GFRAL: variants seen among roughly 807,000 people sequenced by gnomAD.
GFRAL encodes the protein GDNF family receptor alpha-like.
In GFRAL, 36 loss-of-function variants were observed where a neutral mutation model predicts 45.4. That is an observed-to-expected ratio of 0.79 (90% CI 0.61 to 1.05). The LOEUF (loss-of-function observed/expected upper bound fraction) is 1.05, where lower values mean the gene tolerates loss of function less well. GFRAL is among the 50% of genes least tolerant of loss of function. GFRAL has a pLI of 0.00. For synonymous variants in GFRAL, 166 were observed against 154.1 expected, an observed-to-expected ratio of 1.08 and a Z score of -0.57; for missense variants, 507 against 467.5, an observed-to-expected ratio of 1.08 and a Z score of -0.78.
intron 1 of GFRAL, among the ~76,000 whole-genome samples, chr6:55,329,986 G>C (rs957288373): frequency 6.6e-6 from 1 of 152,096 alleles, no homozygotes; most frequent in African/African-American, 2.4e-5. Context: ...CTCTCTTGAT[G>C]ACAGTTACTA....
Position 55,351,262 on chromosome 6 carries a change from G to T in GFRAL, c.380G>T (p.Gly127Val). The change falls in exon 5 of 9, where the codon GGG becomes GTG. Residue 127 changes from glycine to valine, a missense_variant. Gly to Val is a moderately radical substitution (Grantham distance 109). Coordinates refer to ENST00000340465, the MANE Select transcript of GFRAL (RefSeq NM_207410.2). ...ATATCATTGCTTTCAGGATTCAAAG[G>T]GATGTGGTCCTGTTTGGAAGTGGCA... is the stretch of plus-strand genomic sequence containing the variant. The part of the protein sequence containing the change: ...LTTRSHHGFK[G>V]MWSCLEVAEA... 1 of 1,584,932 alleles carries T rather than the reference G, an allele frequency of 6.3e-7. No homozygotes were observed. The highest frequency in any genetic ancestry group is 1.1e-5 in the South Asian group (1 of 87,588).
At chr6:55,384,138 T>C (rs2127363877) in intron 6 of GFRAL, among the ~76,000 whole-genome samples, 1 of 151,786 alleles carries the variant, frequency 6.6e-6, no homozygotes, top group East Asian at 1.9e-4. Context: ...TGGGAGCTAG[T>C]GGAGGGATAG....
intron 5 of GFRAL, among the ~76,000 whole-genome samples, chr6:55,355,657 A>T (rs2127356356): frequency 6.6e-6 from 1 of 152,142 alleles, no homozygotes; most frequent in Non-Finnish European, 1.5e-5. Flanking sequence ...ATATAAAATT[A>T]TATAATCTGC....
intron 6 of GFRAL, among the ~76,000 whole-genome samples, chr6:55,373,204 G>A (rs2127361185): frequency 6.6e-6 from 1 of 152,194 alleles, no homozygotes; most frequent in African/African-American, 2.4e-5. Context: ...TTTCAGTAAG[G>A]AGAACCTGAA....
intron 6 of GFRAL, among the ~76,000 whole-genome samples, chr6:55,363,397 C>A (rs985993921): frequency 2.0e-5 from 3 of 151,248 alleles, no homozygotes; most frequent in East Asian, 1.9e-4. Context: ...ATATGGTAGA[C>A]CCATTTCCAA....
intron 6 of GFRAL, among the ~76,000 whole-genome samples, chr6:55,379,066 A>G (rs1768572184): frequency 1.3e-5 from 2 of 152,212 alleles, no homozygotes; most frequent in Admixed American, 1.3e-4. Flanking sequence ...GAGACTCCAT[A>G]TACCAACCTG....
chr6:55,351,546 A>G lies in GFRAL; in HGVS notation c.664A>G (p.Ser222Gly), dbSNP rs146300118. The G allele has an allele frequency of 0.018, 29,498 of 1,602,486 alleles. 358 individuals carry two copies. The highest frequency in any genetic ancestry group is 0.022 in the Non-Finnish European group (26,094 of 1,170,684). The change falls in exon 5 of 9, where the codon AGT becomes GGT. Residue 222 changes from serine to glycine, a missense_variant. Ser to Gly is a moderately conservative substitution (Grantham distance 56, BLOSUM62 0). Coordinates refer to ENST00000340465, the MANE Select transcript of GFRAL (RefSeq NM_207410.2). ...VNMVPPPTCL[S>G]VIRSCQNDEL... ...CATGGTTCCACCCCCTACTTGCCTC[A>G]GTGTAATTCGCAGCTGCCAAAATGA... is the stretch of plus-strand genomic sequence containing the variant.
chr6:55,340,485 C>A (rs1767947930), intron 3 of GFRAL, among the ~76,000 whole-genome samples: 1 of 152,046 alleles, frequency 6.6e-6, no homozygotes, highest in East Asian at 1.9e-4. Context: ...TATGTGTAAA[C>A]CCTGGAGAAT....
chr6:55,369,023 G>C (rs1375226633), intron 6 of GFRAL, among the ~76,000 whole-genome samples: 17 of 151,944 alleles, frequency 1.1e-4, no homozygotes, highest in African/African-American at 4.1e-4. Flanking sequence ...GGGCAATGGC[G>C]GGCGCCCCTA....
intron 1 of GFRAL, among the ~76,000 whole-genome samples, chr6:55,328,876 T>G (rs1286175821): frequency 6.6e-6 from 1 of 152,054 alleles, no homozygotes; most frequent in East Asian, 1.9e-4. Context: ...TTATATTTTT[T>G]AGAATGCTTG....
At chr6:55,385,101 T>C (rs1420910714) in intron 6 of GFRAL, among the ~76,000 whole-genome samples, 1 of 152,052 alleles carries the variant, frequency 6.6e-6, no homozygotes, top group Non-Finnish European at 1.5e-5. Context: ...TCAAAGAAAC[T>C]ACAGAAATAG....
At chr6:55,384,672 C>G (rs934147757) in intron 6 of GFRAL, among the ~76,000 whole-genome samples, 1 of 152,020 alleles carries the variant, frequency 6.6e-6, no homozygotes, top group African/African-American at 2.4e-5. Flanking sequence ...GAGAGATCAG[C>G]TGGATAAGGT....
At chr6:55,343,157 C>T (rs1019468812) in intron 3 of GFRAL, among the ~76,000 whole-genome samples, 1 of 152,204 alleles carries the variant, frequency 6.6e-6, no homozygotes, top group African/African-American at 2.4e-5. Context: ...GAATTGAACT[C>T]AGCTCTGCAC....
intron 6 of GFRAL, among the ~76,000 whole-genome samples, chr6:55,371,020 A>T (rs535429828): frequency 6.6e-6 from 1 of 152,200 alleles, no homozygotes; most frequent in African/African-American, 2.4e-5. Context: ...CCATCCTGCA[A>T]CTGCTGCCAG....
At chr6:55,366,404 T>C (rs1056992210) in intron 6 of GFRAL, among the ~76,000 whole-genome samples, 10 of 148,442 alleles carry the variant, frequency 6.7e-5, no homozygotes, top group South Asian at 6.5e-4. Context: ...CCTGGATTCA[T>C]TAATTTTTTG....
intron 6 of GFRAL, among the ~76,000 whole-genome samples, chr6:55,386,776 T>A (rs1427940444): frequency 6.6e-6 from 1 of 152,178 alleles, no homozygotes; most frequent in African/African-American, 2.4e-5. Flanking sequence ...AAATGCTGGC[T>A]TTAGTTTCAC....
chr6:55,394,794 C>T (rs570629771), intron 6 of GFRAL, among the ~76,000 whole-genome samples: 1 of 152,126 alleles, frequency 6.6e-6, no homozygotes, highest in South Asian at 2.1e-4. Context: ...TTTCACACCA[C>T]ATTCAACAAT....
chr6:55,364,196 G>C (rs935192302), intron 6 of GFRAL, among the ~76,000 whole-genome samples: 3 of 151,150 alleles, frequency 2.0e-5, no homozygotes, highest in Admixed American at 1.3e-4. Flanking sequence ...CAGTGATGAT[G>C]AGCATTTTTT....
intron 6 of GFRAL, among the ~76,000 whole-genome samples, chr6:55,369,162 C>T (rs1012889497): frequency 6.6e-6 from 1 of 151,792 alleles, no homozygotes; most frequent in Non-Finnish European, 1.5e-5. Flanking sequence ...TTTTTTAAGC[C>T]CGTCGGAAAA....
Sources: allele counts gnomAD v4.1 joint callset (sites outside exome capture counted in the v4.1 genomes callset), GRCh38; gene constraint gnomAD v4.1.1; transcripts MANE v1.5; gene names NCBI Gene and HGNC (gene_info 2026-07-23, HGNC 2026-07-21).